Variants in CABCOCO1 observed in about 807,000 individuals in gnomAD.
The protein encoded by CABCOCO1 is ciliary-associated calcium-binding coiled-coil protein 1.
A neutral mutation model predicts 35.7 loss-of-function variants in CABCOCO1; 28 were observed. The ratio of observed to expected loss-of-function variants is 0.78; its 90% CI spans 0.58 to 1.07. The LOEUF is 1.07. Ranked by LOEUF, CABCOCO1 falls within the 50% of genes least tolerant of loss-of-function variation. The pLI is 0.00. For missense variants in CABCOCO1, 326 were observed against 309.2 expected (o/e 1.05, Z -0.41); for synonymous variants, 95 against 100.1 (o/e 0.95, Z 0.30).
chr10:61,681,049 G>GCATTATAGAATTGT, intron 2 of CABCOCO1, 94 bp from the exon 3 acceptor site: 1 of 649,020 alleles, frequency 1.5e-6, no homozygotes, highest in Non-Finnish European at 2.2e-6. Flanking sequence ...CAGATTATGG[G>GCATTATAGAATTGT]CATTAAAGAA....
At chr10:61,742,395 T>C (rs1157295629) in intron 5 of CABCOCO1, among the ~76,000 whole-genome samples, 2 of 152,162 alleles carry the variant, frequency 1.3e-5, no homozygotes, top group Non-Finnish European at 2.9e-5. Flanking sequence ...TTAACATGTG[T>C]TGCACGAACT....
intron 1 of CABCOCO1, among the ~76,000 whole-genome samples, chr10:61,672,428 A>G (rs1455140679): frequency 6.6e-6 from 1 of 152,196 alleles, no homozygotes; most frequent in African/African-American, 2.4e-5. Flanking sequence ...TGCCCAAAAG[A>G]CGGATTGACT....
At chr10:61,744,480 G>A (rs937001306) in intron 5 of CABCOCO1, among the ~76,000 whole-genome samples, 14 of 152,180 alleles carry the variant, frequency 9.2e-5, no homozygotes, top group Non-Finnish European at 1.9e-4. Flanking sequence ...TTAAGCAAAT[G>A]AACAAACATA....
At chr10:61,677,561 A>AC (rs1839554243) in intron 2 of CABCOCO1, among the ~76,000 whole-genome samples, 1 of 145,142 alleles carries the variant, frequency 6.9e-6, no homozygotes, top group Admixed American at 6.8e-5. Context: ...TTTTTTTATT[A>AC]TACTTTAAGT....
chr10:61,679,748 T>G (rs2393828), intron 2 of CABCOCO1, among the ~76,000 whole-genome samples: 59,627 of 151,842 alleles, frequency 0.39, 13,941 homozygotes, highest in Middle Eastern at 0.53. Flanking sequence ...GAAAGAGAAA[T>G]AGCAAATCAA....
At chr10:61,691,865 T>A (rs1840155664) in intron 5 of CABCOCO1, among the ~76,000 whole-genome samples, 1 of 152,228 alleles carries the variant, frequency 6.6e-6, no homozygotes, top group Non-Finnish European at 1.5e-5. Context: ...GGTGTATATG[T>A]GCCACATTTT....
chr10:61,664,361 C>T (rs1489100644), intron 1 of CABCOCO1, among the ~76,000 whole-genome samples: 4 of 151,982 alleles, frequency 2.6e-5, no homozygotes. Flanking sequence ...ATGTCCTTTC[C>T]AAAAAGACTG....
At chr10:61,734,520 A>AGG (rs1564550826) in intron 5 of CABCOCO1, among the ~76,000 whole-genome samples, 4 of 149,262 alleles carry the variant, frequency 2.7e-5, no homozygotes, top group Non-Finnish European at 6.0e-5. Flanking sequence ...GAAGGGGGAA[A>AGG]AAAAAAACAC....
intron 5 of CABCOCO1, among the ~76,000 whole-genome samples, chr10:61,704,085 G>A (rs775600022): frequency 9.9e-5 from 15 of 151,972 alleles, no homozygotes; most frequent in South Asian, 4.2e-4. Context: ...TTAGCTGGGC[G>A]TGGTGGCAGG....
chr10:61,717,881 G>A (rs1216750329), intron 5 of CABCOCO1, among the ~76,000 whole-genome samples: 1 of 152,162 alleles, frequency 6.6e-6, no homozygotes, highest in Non-Finnish European at 1.5e-5. Context: ...GCACAAGCAA[G>A]GGCATAGAGA....
rs1178119902 is a variant in CABCOCO1, at chr10:61,717,691, A to AAAGCTT, written c.552+27071_552+27076dup. ...ATTAAATATTTAGGAAATTAACAGG[A>AAAGCTT]AAGCTTTAGTTTAAAACACAAGATA... On this transcript the variant is annotated intron_variant, in intron 5 of 7. Coordinates refer to ENST00000648843, the MANE Select transcript of CABCOCO1 (RefSeq NM_001366906.2). Among the ~76,000 whole-genome samples the AAAGCTT allele has an allele frequency of 7.2e-5, 11 of 152,314 alleles. No homozygotes were observed. In the East Asian group the frequency reaches 1.9e-3, roughly 27 times the overall value.
At chr10:61,754,798 G>T (rs968459378) in intron 5 of CABCOCO1, among the ~76,000 whole-genome samples, 4 of 152,040 alleles carry the variant, frequency 2.6e-5, no homozygotes, top group Non-Finnish European at 4.4e-5. Context: ...CACTGTTTAG[G>T]TGATTAGCAT....
intron 5 of CABCOCO1, among the ~76,000 whole-genome samples, chr10:61,691,847 T>C (rs1185008955): frequency 6.6e-6 from 1 of 152,216 alleles, no homozygotes; most frequent in African/African-American, 2.4e-5. Context: ...GGCTGCATAG[T>C]ATTCCATGGT....
At chr10:61,680,671 C>CATATACATGTATAACAT (rs1554821569) in intron 2 of CABCOCO1, among the ~76,000 whole-genome samples, 1 of 53,436 alleles carries the variant, frequency 1.9e-5, no homozygotes, top group Non-Finnish European at 4.0e-5. Context: ...ACATGTATAA[C>CATATACATGTATAACAT]ATATATGTTA....
chr10:61,721,358 C>T (rs988241939), intron 5 of CABCOCO1, among the ~76,000 whole-genome samples: 1 of 152,172 alleles, frequency 6.6e-6, no homozygotes, highest in African/African-American at 2.4e-5. Flanking sequence ...CCCGTTTGTG[C>T]TTCTCCATCA....
At chr10:61,682,638 G>A (rs1839829877) in intron 3 of CABCOCO1, among the ~76,000 whole-genome samples, 1 of 152,166 alleles carries the variant, frequency 6.6e-6, no homozygotes, top group Non-Finnish European at 1.5e-5. Flanking sequence ...TAACATTTAT[G>A]TAGATTAACT....
chr10:61,760,924 A>T lies in CABCOCO1; in HGVS notation c.737A>T (p.Asp246Val). ...CCAGAAACTGACACCTCAGACATGG[A>T]TCCTTTAGTTGGTTTTACCATTGAA... ...SQPETDTSDM[D>V]PLVGFTIEDV... Residue 246 changes from aspartate (D) to valine (V), a missense_variant, in exon 7 of 8, where the codon GAT becomes GTT. By Grantham distance (152) the Asp-to-Val change is radical. Coordinates refer to ENST00000648843, the MANE Select transcript of CABCOCO1 (RefSeq NM_001366906.2). 1 of 1,612,780 alleles carries T rather than the reference A, an allele frequency of 6.2e-7. No individual in the cohort carries two copies. The highest frequency in any genetic ancestry group is 8.5e-7 in the Non-Finnish European group (1 of 1,179,148).
intron 5 of CABCOCO1, among the ~76,000 whole-genome samples, chr10:61,739,603 GT>G (rs35559098): frequency 0.016 from 2,314 of 148,338 alleles, 32 homozygotes; most frequent in East Asian, 0.047. Context: ...AAATTGCTAA[GT>G]TTTTTTTTTT....
chr10:61,762,336 C>G (rs1245062691), intron 7 of CABCOCO1, among the ~76,000 whole-genome samples: 1 of 151,972 alleles, frequency 6.6e-6, no homozygotes, highest in Non-Finnish European at 1.5e-5. Flanking sequence ...GCATTTATAC[C>G]CCTATTCTAT....
Sources: gnomAD v4.1 joint callset for allele counts (sites outside exome capture counted in the v4.1 genomes callset) on GRCh38, gnomAD v4.1.1 for gene constraint, MANE v1.5 for transcripts, NCBI Gene and HGNC (gene_info 2026-07-23, HGNC 2026-07-21) for gene names.